The following FER variants were observed in gnomAD, a reference collection of about 807,000 sequenced individuals.
The protein encoded by FER is FER tyrosine kinase.
In FER, 63 loss-of-function variants were observed where a neutral mutation model predicts 111.0. That is an observed-to-expected ratio of 0.57 (90% CI 0.46 to 0.70). The LOEUF is 0.70. Ranked by LOEUF, FER falls within the 30% of genes least tolerant of loss-of-function variation. FER has a pLI of 0.00. For synonymous variants in FER, 327 were observed against 313.9 expected, an observed-to-expected ratio of 1.04 and a Z score of -0.44; for missense variants, 914 against 954.0, an observed-to-expected ratio of 0.96 and a Z score of 0.55.
chr5:109,113,399 A>C (rs1749860283), intron 17 of FER, among the ~76,000 whole-genome samples: 1 of 152,196 alleles, frequency 6.6e-6, no homozygotes, highest in Non-Finnish European at 1.5e-5. Flanking sequence ...AACAGTAAGA[A>C]GCAAAGGAAA....
chr5:108,788,274 C>T (rs1001834738), intron 2 of FER, among the ~76,000 whole-genome samples: 25 of 152,362 alleles, frequency 1.6e-4, no homozygotes, highest in African/African-American at 5.5e-4. Context: ...GCTGCCTGTC[C>T]TGCAGCAGCT....
At chr5:108,872,687 G>A (rs994381450) in intron 8 of FER, among the ~76,000 whole-genome samples, 1 of 151,996 alleles carries the variant, frequency 6.6e-6, no homozygotes, top group Non-Finnish European at 1.5e-5. Flanking sequence ...TCTTCACTTT[G>A]TTGTTTTTGT....
chr5:109,082,949 T>A (rs1005429618), intron 16 of FER, among the ~76,000 whole-genome samples: 14 of 151,918 alleles, frequency 9.2e-5, no homozygotes, highest in African/African-American at 3.4e-4. Context: ...CTAAGCAAGA[T>A]AGCTTTCTGT....
At chr5:108,836,741 A>C (rs973182133) in intron 5 of FER, among the ~76,000 whole-genome samples, 1 of 152,100 alleles carries the variant, frequency 6.6e-6, no homozygotes, top group Non-Finnish European at 1.5e-5. Flanking sequence ...TTCCCAGTAC[A>C]CTAGAAGTGA....
At chr5:109,079,343 G>A (rs147283455) in intron 16 of FER, among the ~76,000 whole-genome samples, 3 of 152,100 alleles carry the variant, frequency 2.0e-5, no homozygotes, top group Admixed American at 2.0e-4. Flanking sequence ...GGAGGGGTGG[G>A]GAAAACACCT....
intron 18 of FER, among the ~76,000 whole-genome samples, chr5:109,185,735 A>AAAG (rs1042068807): frequency 3.6e-4 from 55 of 152,330 alleles, no homozygotes; most frequent in African/African-American, 1.3e-3. Context: ...TAAAACCAGT[A>AAAG]AAGAGAATAG....
chr5:108,796,645 GC>G (rs1756057047), intron 2 of FER, among the ~76,000 whole-genome samples: 1 of 151,938 alleles, frequency 6.6e-6, no homozygotes, highest in Non-Finnish European at 1.5e-5. Flanking sequence ...TCTCTCCCTG[GC>G]CACCACCACC....
intron 3 of FER, among the ~76,000 whole-genome samples, chr5:108,813,371 T>C (rs1029487003): frequency 6.6e-6 from 1 of 152,130 alleles, no homozygotes. Context: ...TTTCTCTGCA[T>C]TTTTTGTGCT....
intron 10 of FER, among the ~76,000 whole-genome samples, chr5:108,931,716 G>C (rs1464401383): frequency 1.3e-5 from 2 of 152,240 alleles, no homozygotes; most frequent in East Asian, 3.9e-4. Context: ...TGTAATCCCA[G>C]CTACTTGGGA....
In FER at chr5:109,124,363, G is replaced by A. The variant is rs150478816; in HGVS notation, c.2048+23844G>A. 5.3e-5 allele frequency among the ~76,000 whole-genome samples: 8 copies of A among 152,302 alleles called. No individual in the cohort carries two copies. In the East Asian group the frequency reaches 1.5e-3, roughly 29 times the overall value. ...TTATTAGCAATATTTCCATTAAGTG[G>A]CTTGTGCTTAGACTGTTGGTTCTTA... On this transcript the variant is annotated intron_variant, in intron 17 of 19. Coordinates refer to ENST00000281092, the MANE Select transcript of FER (RefSeq NM_005246.4).
chr5:109,052,418 C>T (rs1293256916), intron 16 of FER: 1 of 1,516,936 alleles, frequency 6.6e-7, no homozygotes, highest in Non-Finnish European at 9.2e-7. Context: ...TAGGCTTGAA[C>T]CTTGTCAAGG....
intron 16 of FER, among the ~76,000 whole-genome samples, chr5:109,092,299 A>C (rs1438239241): frequency 3.5e-5 from 5 of 143,474 alleles, no homozygotes; most frequent in Admixed American, 6.8e-5. Flanking sequence ...AAAAAAAAAA[A>C]AAAAAAAAAA....
At chr5:108,804,690 G>A (rs1280750390) in intron 3 of FER, among the ~76,000 whole-genome samples, 2 of 152,146 alleles carry the variant, frequency 1.3e-5, no homozygotes, top group African/African-American at 2.4e-5. Flanking sequence ...AAGCCTATTG[G>A]ATCATGATGA....
At chr5:108,994,445 C>A (rs1164035374) in intron 13 of FER, among the ~76,000 whole-genome samples, 3 of 152,166 alleles carry the variant, frequency 2.0e-5, no homozygotes, top group Non-Finnish European at 4.4e-5. Flanking sequence ...GTTCTGAGAT[C>A]TCAATTCTGT....
chr5:109,016,471 G>A (rs149702765), intron 13 of FER, among the ~76,000 whole-genome samples: 59 of 152,198 alleles, frequency 3.9e-4, no homozygotes, highest in African/African-American at 1.3e-3. Context: ...ATTGCAAGCA[G>A]TGTGTGAAGA....
chr5:109,025,790 A>C (rs574164980), intron 13 of FER, among the ~76,000 whole-genome samples: 50 of 152,088 alleles, frequency 3.3e-4, no homozygotes, highest in Admixed American at 6.6e-4. Flanking sequence ...TTTGAAATAC[A>C]TCCCATCAAT....
At chr5:109,121,644 T>TG (rs1561921515) in intron 17 of FER, among the ~76,000 whole-genome samples, 2 of 152,120 alleles carry the variant, frequency 1.3e-5, no homozygotes, top group South Asian at 2.1e-4. Context: ...CCTGTATTTT[T>TG]GGGGGGCAGG....
At chr5:108,800,525 T>TATTTA (rs1756526078) in intron 3 of FER, among the ~76,000 whole-genome samples, 1 of 152,214 alleles carries the variant, frequency 6.6e-6, no homozygotes, top group Admixed American at 6.5e-5. Context: ...TAATTTTATT[T>TATTTA]TTTATTTTAT....
Position 109,188,726 on chromosome 5 carries a change from G to A in FER, c.*1151G>A, listed in dbSNP as rs1259596278. 3.3e-5 allele frequency: 5 copies of A among 152,112 alleles called. No individual in the cohort carries two copies. Among genetic ancestry groups the A allele is most frequent in the African/African-American group, 9.7e-5 (4 of 41,418 alleles). The allele number at this position is 152,112 out of a possible 1,614,324, so 9.4% of individuals were successfully genotyped here. On this transcript the variant is annotated 3_prime_UTR_variant, in exon 20 of 20. Transcript: ENST00000281092. ...AGTTTCAGGAGTTCGTAGAGTCCTC[G>A]TAATGGCAACAAAAATTTTGAGAGA...
Sources: allele counts gnomAD v4.1 joint callset (sites outside exome capture counted in the v4.1 genomes callset), GRCh38; gene constraint gnomAD v4.1.1; transcripts MANE v1.5; gene names NCBI Gene and HGNC (gene_info 2026-07-23, HGNC 2026-07-21).